Variants in CHIC2 observed in about 807,000 individuals in gnomAD.
The protein encoded by CHIC2 is cysteine rich hydrophobic domain 2, also known as cysteine-rich hydrophobic domain-containing protein 2.
Under a neutral mutation model 25.9 loss-of-function variants are expected in CHIC2, and 14 were observed. The ratio of observed to expected loss-of-function variants is 0.54; its 90% confidence interval spans 0.36 to 0.85. The LOEUF (loss-of-function observed/expected upper bound fraction) is 0.85. CHIC2 is among the 40% of genes least tolerant of loss of function. The pLI is 0.01. For missense variants in CHIC2, 146 were observed against 202.0 expected, an observed-to-expected ratio of 0.72 and a Z score of 1.68; for synonymous variants, 70 against 72.0, an observed-to-expected ratio of 0.97 and a Z score of 0.14.
rs564545631 is a variant in CHIC2, at chr4:54,044,462, G to A, written c.330+4493C>T. The stretch of plus-strand genomic sequence containing the variant: ...TTATAACAGTCTCTCAGACCACAGT[G>A]CAATCAAACTAGAACTCAGGATTAA... On this transcript the variant is annotated intron_variant, in intron 3 of 5. Transcript: ENST00000263921. 2.0e-5 allele frequency among the ~76,000 whole-genome samples: 3 copies of A among 152,298 alleles called. No individual in the cohort carries two copies. In the East Asian group the frequency reaches 5.8e-4, roughly 29 times the overall value.
At chr4:54,065,233 C>T (rs1329985851), upstream of CHIC2, 5 of 681,370 alleles carry the variant, frequency 7.3e-6, no homozygotes, top group Non-Finnish European at 9.0e-6. Context: ...GCCAGCGATG[C>T]TGGTATTTTT....
At chr4:54,075,005 G>A in the CHIC2 span, among the ~76,000 whole-genome samples, 3 of 152,276 alleles carry the variant, frequency 2.0e-5, no homozygotes, top group African/African-American at 7.2e-5. Flanking sequence ...CAGCTACTCA[G>A]GAGGCTGAGG....
At chr4:54,013,246 T>C (rs1715643298) in intron 5 of CHIC2, among the ~76,000 whole-genome samples, 1 of 152,138 alleles carries the variant, frequency 6.6e-6, no homozygotes, top group Admixed American at 6.6e-5. Flanking sequence ...CTGAGTAAGT[T>C]CTAAAATTCA....
Position 54,064,220 on chromosome 4 carries a change from C to G in CHIC2, c.81G>C (p.Pro27=). The G allele has an allele frequency of 1.9e-6, 3 of 1,607,586 alleles. No individual in the cohort carries two copies. The highest frequency in any genetic ancestry group is 1.1e-5 in the South Asian group (1 of 89,874). The change falls in exon 1 of 6, where the codon CCG becomes CCC. Residue 27 remains proline, a synonymous_variant. Coordinates refer to ENST00000263921, the MANE Select transcript of CHIC2 (RefSeq NM_012110.4). This position sits in a 1 kb window ranked among gnomAD's most constrained non-coding sequence, Gnocchi z 4.2. ...CGGAGCCGCGGACGACCACCGGGTCCGGCGAGTACTTGAGCAGCTGCTCCT... is the reference window on the plus strand; with the variant it reads ...CGGAGCCGCGGACGACCACCGGGTCGGGCGAGTACTTGAGCAGCTGCTCCT... ...ALEEQLLKYS[P]DPVVVRGSGH...
the CHIC2 span, among the ~76,000 whole-genome samples, chr4:54,080,892 T>C: frequency 2.1e-5 from 3 of 145,910 alleles, no homozygotes; most frequent in Non-Finnish European, 4.5e-5. Flanking sequence ...TGTCAGATAA[T>C]GGATGTGCTA....
At chr4:54,014,959 T>A (rs573042818) in intron 3 of CHIC2, among the ~76,000 whole-genome samples, 1 of 152,086 alleles carries the variant, frequency 6.6e-6, no homozygotes, top group Non-Finnish European at 1.5e-5. Flanking sequence ...GAAAAAAACA[T>A]CTTACCACTA....
chr4:54,080,982 A>ATATG, the CHIC2 span, among the ~76,000 whole-genome samples: 1 of 124,688 alleles, frequency 8.0e-6, no homozygotes, highest in Non-Finnish European at 1.7e-5. Flanking sequence ...ATATATATAT[A>ATATG]TATAAAATCA....
At chr4:54,019,457 A>G (rs1236652103) in intron 3 of CHIC2, among the ~76,000 whole-genome samples, 1 of 152,186 alleles carries the variant, frequency 6.6e-6, no homozygotes, top group East Asian at 1.9e-4. Context: ...TTGTGAATCA[A>G]AAATATCCTC....
At chr4:54,025,119 T>C (rs1009197225) in intron 3 of CHIC2, among the ~76,000 whole-genome samples, 1 of 151,796 alleles carries the variant, frequency 6.6e-6, no homozygotes, top group Non-Finnish European at 1.5e-5. Context: ...GACAGGAATG[T>C]CAGGCCTCTG....
the CHIC2 span, among the ~76,000 whole-genome samples, chr4:54,072,916 C>T: frequency 6.6e-6 from 1 of 152,038 alleles, no homozygotes; most frequent in South Asian, 2.1e-4. Context: ...ACTAAAACTA[C>T]AAAAAATCAG....
At chr4:54,047,285 A>C (rs189504152) in intron 3 of CHIC2, among the ~76,000 whole-genome samples, 9,502 of 152,104 alleles carry the variant, frequency 0.062, 989 homozygotes, top group African/African-American at 0.21. Context: ...TTGACCCAGC[A>C]ATCCCATTAC....
the CHIC2 span, chr4:54,076,865 A>G: frequency 6.6e-6 from 1 of 152,190 alleles, no homozygotes; most frequent in Non-Finnish European, 1.5e-5. Flanking sequence ...AATGTTAAGA[A>G]TGTTTTGGGA....
rs763354540 is a variant in CHIC2, at chr4:54,049,040, T to C, written c.245A>G (p.Asn82Ser). 14 of 1,612,488 alleles carry C rather than the reference T, an allele frequency of 8.7e-6. No individual in the cohort carries two copies. Among genetic ancestry groups the C allele is most frequent in the Non-Finnish European group, 8.5e-7 (1 of 1,179,166 alleles). ...NSCLKKNLPV[N>S]VRWLLCGCLC... is the part of the protein sequence containing the mutation. The stretch of plus-strand genomic sequence containing the variant: ...GCAGCCACAAAGTAGCCAACGTACA[T>C]TAACAGGAAGGTTCTTCTTAAGACA... The change falls in exon 3 of 6, where the codon AAT becomes AGT. Residue 82 changes from asparagine to serine, a missense_variant. Asn to Ser is a conservative substitution (Grantham distance 46). Coordinates refer to ENST00000263921, the MANE Select transcript of CHIC2 (RefSeq NM_012110.4).
chr4:54,064,581 C>CA lies in CHIC2; in HGVS notation c.-282_-281insT. ...CAAGCACAGACGCCGCTGCCGCCGC[C>CA]GCAGCAGCAGCAACTCAGGAAACCA... is the stretch of plus-strand genomic sequence containing the variant. On this transcript the variant is annotated 5_prime_UTR_variant, in exon 1 of 6. Coordinates refer to ENST00000263921, the MANE Select transcript of CHIC2 (RefSeq NM_012110.4). The surrounding 1 kb of genome is among the most constrained non-coding windows in gnomAD (Gnocchi z 4.2). The CA allele has an allele frequency of 8.0e-7, 1 of 1,250,520 alleles. No homozygotes were observed. Among genetic ancestry groups the CA allele is most frequent in the South Asian group, 2.0e-5 (1 of 50,550 alleles). 77.5% of individuals were successfully genotyped at this position (1,250,520 alleles called of 1,614,324 possible).
At chr4:54,061,223 TAG>T (rs1204154793) in intron 1 of CHIC2, 4 of 152,308 alleles carry the variant, frequency 2.6e-5, no homozygotes, top group African/African-American at 9.6e-5. Context: ...TGATTATGCC[TAG>T]AGACTAACCT....
At chr4:54,038,528 ATTG>A (rs1273047181) in intron 3 of CHIC2, among the ~76,000 whole-genome samples, 1 of 152,208 alleles carries the variant, frequency 6.6e-6, no homozygotes, top group Non-Finnish European at 1.5e-5. Flanking sequence ...AGGACTTAAT[ATTG>A]TTAAGATGTC....
At chr4:54,040,421 G>A (rs1716528040) in intron 3 of CHIC2, among the ~76,000 whole-genome samples, 3 of 151,934 alleles carry the variant, frequency 2.0e-5, no homozygotes, top group South Asian at 4.2e-4. Flanking sequence ...ATAAAAATTA[G>A]CCGAGCACGG....
chr4:54,054,609 G>A (rs1318475570), intron 1 of CHIC2, among the ~76,000 whole-genome samples: 1 of 152,190 alleles, frequency 6.6e-6, no homozygotes, highest in African/African-American at 2.4e-5. Flanking sequence ...AGAGTAGTCT[G>A]TTACTCCGCA....
chr4:54,073,534 G>A, the CHIC2 span, among the ~76,000 whole-genome samples: 2 of 152,168 alleles, frequency 1.3e-5, no homozygotes, highest in African/African-American at 4.8e-5. Context: ...ACATGAACAG[G>A]AACTGAGGCT....
Sources: allele counts gnomAD v4.1 joint callset (sites outside exome capture counted in the v4.1 genomes callset), GRCh38; gene constraint gnomAD v4.1.1; non-coding constraint Gnocchi (gnomAD v3.1); transcripts MANE v1.5; gene names NCBI Gene and HGNC (gene_info 2026-07-23, HGNC 2026-07-21).